The following TNS3 variants were observed in gnomAD, a reference collection of about 807,000 sequenced individuals.
TNS3 encodes tensin-3.
In TNS3, 45 loss-of-function variants were observed where a neutral mutation model predicts 140.9. That is an observed-to-expected ratio of 0.32 (90% CI 0.25 to 0.41). The LOEUF is 0.41. Among genes scored for constraint, TNS3 ranks in the 10% least tolerant of loss-of-function variants. TNS3 has a pLI of 1.00. For synonymous variants in TNS3, 815 were observed against 788.4 expected, an observed-to-expected ratio of 1.03 and a Z score of -0.56; for missense variants, 1,716 against 1,906.7, an observed-to-expected ratio of 0.90 and a Z score of 1.86.
intron 2 of TNS3, among the ~76,000 whole-genome samples, chr7:47,527,790 TC>T (rs1353664612): frequency 6.6e-6 from 1 of 151,998 alleles, no homozygotes; most frequent in Non-Finnish European, 1.5e-5. Context: ...ATGCCTATAG[TC>T]CAGCTACTGG....
intron 2 of TNS3, among the ~76,000 whole-genome samples, chr7:47,523,530 A>T (rs1234588035): frequency 6.6e-6 from 1 of 152,174 alleles, no homozygotes; most frequent in Non-Finnish European, 1.5e-5. Context: ...TTGAGTCAGA[A>T]TGCCTCTGCC....
intron 1 of TNS3, among the ~76,000 whole-genome samples, chr7:47,548,290 A>T (rs1378273028): frequency 1.3e-5 from 2 of 152,042 alleles, no homozygotes; most frequent in Non-Finnish European, 2.9e-5. Context: ...ATCTTTGAAA[A>T]CACAACCCTC....
chr7:47,475,540 G>A (rs1193145949), intron 4 of TNS3, among the ~76,000 whole-genome samples: 1 of 152,236 alleles, frequency 6.6e-6, no homozygotes, highest in African/African-American at 2.4e-5. Context: ...CCCCGGGGGG[G>A]GGGCCAGGCC....
intron 13 of TNS3, among the ~76,000 whole-genome samples, chr7:47,402,462 A>C: frequency 6.6e-6 from 1 of 152,152 alleles, no homozygotes; most frequent in East Asian, 1.9e-4. Flanking sequence ...GTTGGCCACA[A>C]ATCTACCACC....
chr7:47,345,272 C>T (rs1225287886), intron 18 of TNS3, among the ~76,000 whole-genome samples: 2 of 152,166 alleles, frequency 1.3e-5, no homozygotes, highest in Admixed American at 6.5e-5. Flanking sequence ...AGGTATCTTA[C>T]GGCCCATCCT....
intron 28 of TNS3, 100 bp downstream of exon 28, chr7:47,283,597 T>C (rs1785257146): frequency 1.6e-6 from 2 of 1,213,088 alleles, no homozygotes; most frequent in Non-Finnish European, 2.2e-6. Context: ...CAAAGACGGC[T>C]AATGATTTAC....
intron 1 of TNS3, among the ~76,000 whole-genome samples, chr7:47,543,240 C>T (rs936607491): frequency 6.6e-6 from 1 of 152,238 alleles, no homozygotes; most frequent in African/African-American, 2.4e-5. Context: ...CAGTGTGCCT[C>T]CCAGGGCACT....
At chr7:47,563,171 C>T (rs1460700483) in intron 1 of TNS3, among the ~76,000 whole-genome samples, 1 of 152,226 alleles carries the variant, frequency 6.6e-6, no homozygotes, top group Admixed American at 6.5e-5. Flanking sequence ...CAGCCAGGAG[C>T]TGCATGGGCA....
intron 2 of TNS3, among the ~76,000 whole-genome samples, chr7:47,512,716 G>GGTTA (rs1798653732): frequency 6.6e-6 from 1 of 152,040 alleles, no homozygotes; most frequent in Non-Finnish European, 1.5e-5. Context: ...TGGGAAAACT[G>GGTTA]GTTACTCCAT....
At chr7:47,551,509 G>A (rs1562851263) in intron 1 of TNS3, among the ~76,000 whole-genome samples, 1 of 152,238 alleles carries the variant, frequency 6.6e-6, no homozygotes, top group Non-Finnish European at 1.5e-5. Flanking sequence ...AGGAGCAGGG[G>A]AGCCTTTGGC....
At chr7:47,381,528 G>A (rs184015847) in intron 16 of TNS3, among the ~76,000 whole-genome samples, 3 of 152,226 alleles carry the variant, frequency 2.0e-5, no homozygotes, top group East Asian at 3.9e-4. Context: ...CAGCAAACAA[G>A]CAAAAGCCCG....
intron 1 of TNS3, chr7:47,538,940 C>T: frequency 2.3e-6 from 1 of 437,802 alleles, no homozygotes; most frequent in South Asian, 1.6e-5. Context: ...GTATTCATTC[C>T]AGATTGCTTC....
intron 20 of TNS3, among the ~76,000 whole-genome samples, chr7:47,341,352 A>G (rs1789007053): frequency 1.3e-5 from 2 of 152,242 alleles, no homozygotes; most frequent in South Asian, 2.1e-4. Flanking sequence ...AGAATTATCC[A>G]GTGAAACCTG....
chr7:47,530,318 G>A (rs536364006), intron 1 of TNS3, among the ~76,000 whole-genome samples: 96 of 152,212 alleles, frequency 6.3e-4, no homozygotes, highest in African/African-American at 2.2e-3. Context: ...ATCACAGTAC[G>A]AACCTCCCAA....
chr7:47,430,133 T>A (rs1253930237), intron 8 of TNS3, among the ~76,000 whole-genome samples: 5 of 53,122 alleles, frequency 9.4e-5, no homozygotes, highest in South Asian at 5.4e-4. Context: ...TTTCTTTTCT[T>A]TTTTTTTTTT....
intron 2 of TNS3, among the ~76,000 whole-genome samples, chr7:47,521,369 G>C (rs757606401): frequency 6.6e-6 from 1 of 152,206 alleles, no homozygotes; most frequent in South Asian, 2.1e-4. Context: ...ACCAGCTGCC[G>C]CACCTGCTCA....
chr7:47,424,263 A>G, intron 9 of TNS3, 79 bp from the exon 10 acceptor site: 1 of 1,453,332 alleles, frequency 6.9e-7, no homozygotes, highest in Admixed American at 1.8e-5. Flanking sequence ...GATGTGTCTC[A>G]TGGCTGTTCA....
At chr7:47,542,575 G>A (rs955118498) in intron 1 of TNS3, among the ~76,000 whole-genome samples, 3 of 152,168 alleles carry the variant, frequency 2.0e-5, no homozygotes, top group Non-Finnish European at 4.4e-5. Context: ...CAGTCCCACT[G>A]CTCCATGGCT....
intron 15 of TNS3, among the ~76,000 whole-genome samples, chr7:47,397,504 T>C (rs1026878483): frequency 1.3e-5 from 2 of 152,234 alleles, no homozygotes; most frequent in African/African-American, 4.8e-5. Flanking sequence ...TGAAATATAT[T>C]TTTTAGGGAA....
Sources: gnomAD v4.1 joint callset for allele counts (sites outside exome capture counted in the v4.1 genomes callset) on GRCh38, gnomAD v4.1.1 for gene constraint, MANE v1.5 for transcripts, NCBI Gene and HGNC (gene_info 2026-07-23, HGNC 2026-07-21) for gene names.